The following SYNPR variants were observed in gnomAD, a reference collection of about 807,000 sequenced individuals.
SYNPR encodes the protein synaptoporin.
In SYNPR, 23 loss-of-function variants were observed where a neutral mutation model predicts 32.9. The observed-to-expected ratio is 0.70, with a 90% CI of 0.50 to 0.99. The LOEUF is 0.99. Among genes scored for constraint, SYNPR ranks in the 50% least tolerant of loss-of-function variants. SYNPR has a pLI of 0.00. For missense variants in SYNPR, 318 were observed against 349.3 expected (o/e 0.91, Z 0.71); for synonymous variants, 146 against 135.9 (o/e 1.07, Z -0.52).
At chr3:63,228,248 AATCT>A (rs1423338018), upstream of SYNPR, 1 of 152,186 alleles carries the variant, frequency 6.6e-6, no homozygotes, top group East Asian at 1.9e-4. Flanking sequence ...GCTGCTTAAG[AATCT>A]ATCTACCACA....
intron 2 of SYNPR, among the ~76,000 whole-genome samples, chr3:63,447,126 A>G (rs1700292541): frequency 6.6e-6 from 1 of 152,210 alleles, no homozygotes; most frequent in Non-Finnish European, 1.5e-5. Context: ...AACAGCATTT[A>G]TGAGAGTTCT....
intron 2 of SYNPR, among the ~76,000 whole-genome samples, chr3:63,447,869 A>G (rs1445855044): frequency 6.6e-6 from 1 of 152,156 alleles, no homozygotes; most frequent in African/African-American, 2.4e-5. Flanking sequence ...TCAGTTTACC[A>G]TGGAGCTTTG....
chr3:63,573,197 T>C (rs1702918746), intron 4 of SYNPR, among the ~76,000 whole-genome samples: 1 of 152,158 alleles, frequency 6.6e-6, no homozygotes, highest in African/African-American at 2.4e-5. Flanking sequence ...TTCAGAGAAT[T>C]ACCAGAAGAT....
At chr3:63,202,441 T>A in the SYNPR span, among the ~76,000 whole-genome samples, 2 of 152,186 alleles carry the variant, frequency 1.3e-5, no homozygotes, top group Admixed American at 1.3e-4. Flanking sequence ...GAAGGGAGAT[T>A]TGAGCTTCAA....
At chr3:63,564,797 T>C (rs756668662) in intron 4 of SYNPR, among the ~76,000 whole-genome samples, 98 of 152,338 alleles carry the variant, frequency 6.4e-4, no homozygotes, top group Non-Finnish European at 1.1e-3. Flanking sequence ...ATTCCCACTG[T>C]ATTTGGTACC....
At chr3:63,549,560 G>A (rs1411358729) in intron 3 of SYNPR, among the ~76,000 whole-genome samples, 1 of 152,230 alleles carries the variant, frequency 6.6e-6, no homozygotes, top group Non-Finnish European at 1.5e-5. Context: ...GAAGAGAGTT[G>A]TTATGAGCAT....
rs185643756 is a variant in SYNPR at position 63,294,175 on chromosome 3, A to G, written c.84+15433A>G. 2.6e-5 allele frequency among the ~76,000 whole-genome samples: 4 copies of G among 152,330 alleles called. No homozygotes were observed. In the East Asian group the frequency reaches 7.7e-4, roughly 29 times the overall value. On this transcript the variant is annotated intron_variant, in intron 2 of 5. Transcript: ENST00000478300. ...AGTTTTCAAATGTATATTATTTTCA[A>G]AACCTGCAAGGAATTCCTCTTTAAA...
chr3:63,261,109 C>T (rs927428338), intron 2 of SYNPR, among the ~76,000 whole-genome samples: 30 of 152,226 alleles, frequency 2.0e-4, no homozygotes, highest in Admixed American at 8.5e-4. Context: ...CACTTTTACA[C>T]TGTTGGTGGG....
At chr3:63,545,040 CAT>C (rs988250996) in intron 3 of SYNPR, among the ~76,000 whole-genome samples, 3 of 138,278 alleles carry the variant, frequency 2.2e-5, no homozygotes, top group African/African-American at 5.2e-5. Flanking sequence ...AAAAAAAAAA[CAT>C]GTGAAAGGGT....
chr3:63,454,233 T>C (rs994077440), intron 2 of SYNPR, among the ~76,000 whole-genome samples: 6 of 152,136 alleles, frequency 3.9e-5, no homozygotes, highest in Admixed American at 3.3e-4. Context: ...CAAATACATA[T>C]TTTAATAATT....
At chr3:63,407,267 C>A (rs1332869829) in intron 2 of SYNPR, among the ~76,000 whole-genome samples, 1 of 152,182 alleles carries the variant, frequency 6.6e-6, no homozygotes, top group Non-Finnish European at 1.5e-5. Context: ...CAATTGACTT[C>A]TTTATCCCTG....
chr3:63,503,284 T>A (rs1283305294), intron 3 of SYNPR, among the ~76,000 whole-genome samples: 1 of 152,174 alleles, frequency 6.6e-6, no homozygotes, highest in African/African-American at 2.4e-5. Flanking sequence ...TTTGGCCCAT[T>A]TTTTAATCAG....
At chr3:63,555,290 A>ATTTTGAGACGGAGTCTCGCTCTGTCGCCC (rs1394853907) in intron 3 of SYNPR, among the ~76,000 whole-genome samples, 2 of 99,222 alleles carry the variant, frequency 2.0e-5, no homozygotes, top group East Asian at 3.3e-4. Flanking sequence ...AATACTTCCT[A>ATTTTGAGACGGAGTCTCGCTCTGTCGCCC]AGTATAAGTT....
chr3:63,552,426 C>T (rs1182679123), intron 3 of SYNPR, among the ~76,000 whole-genome samples: 2 of 152,106 alleles, frequency 1.3e-5, no homozygotes, highest in Admixed American at 1.3e-4. Flanking sequence ...ATGATATAAC[C>T]ATAATGAATG....
At chr3:63,350,501 G>T (rs979509802) in intron 2 of SYNPR, among the ~76,000 whole-genome samples, 1 of 152,210 alleles carries the variant, frequency 6.6e-6, no homozygotes, top group Non-Finnish European at 1.5e-5. Flanking sequence ...AGCTGTGTGT[G>T]TATGCCTGTG....
chr3:63,544,004 A>AC (rs761992394), intron 3 of SYNPR, among the ~76,000 whole-genome samples: 35 of 152,186 alleles, frequency 2.3e-4, no homozygotes, highest in Admixed American at 6.6e-4. Flanking sequence ...GATCCAGGTG[A>AC]CGTCCATCTT....
intron 3 of SYNPR, among the ~76,000 whole-genome samples, chr3:63,269,677 C>G (rs1244976470): frequency 1.3e-5 from 2 of 152,080 alleles, no homozygotes; most frequent in Non-Finnish European, 2.9e-5. Flanking sequence ...CCACAAATAT[C>G]TACCTACTGC....
At chr3:63,398,378 C>T (rs887042199) in intron 2 of SYNPR, among the ~76,000 whole-genome samples, 5 of 152,126 alleles carry the variant, frequency 3.3e-5, no homozygotes, top group African/African-American at 1.2e-4. Flanking sequence ...TCTTTATTCT[C>T]TGCCATGTCA....
In SYNPR at chr3:63,407,378, C is replaced by A. The variant is rs112990677; in HGVS notation, c.85-73454C>A. 4.6e-5 allele frequency among the ~76,000 whole-genome samples: 7 copies of A among 152,276 alleles called. 1 individual carries two copies. The highest frequency in any genetic ancestry group is 1.9e-4 in the East Asian group (1 of 5,174). ...AGCTTATCATTTTATACTAAGGGAG[C>A]AATGTAATATAGTGGTCGAATCTGT... On this transcript the variant is annotated intron_variant, in intron 2 of 5. Coordinates refer to ENST00000478300, the MANE Select transcript of SYNPR (RefSeq NM_001130003.2).
Sources: allele counts gnomAD v4.1 joint callset (sites outside exome capture counted in the v4.1 genomes callset), GRCh38; gene constraint gnomAD v4.1.1; transcripts MANE v1.5; gene names NCBI Gene and HGNC (gene_info 2026-07-23, HGNC 2026-07-21).